Variants in SEZ6L observed in about 807,000 individuals in gnomAD.
The protein encoded by SEZ6L is seizure related 6 homolog like.
In SEZ6L, 37 loss-of-function variants were observed where a neutral mutation model predicts 106.2. The ratio of observed to expected loss-of-function variants is 0.35; its 90% confidence interval spans 0.27 to 0.46. SEZ6L has a LOEUF of 0.46. SEZ6L is among the 20% of genes least tolerant of loss of function. The pLI is 1.00. For synonymous variants in SEZ6L, 541 were observed against 570.4 expected, an observed-to-expected ratio of 0.95 and a Z score of 0.73; for missense variants, 1,172 against 1,332.8, an observed-to-expected ratio of 0.88 and a Z score of 1.88.
At chr22:26,248,423 T>C (rs2079441993) in intron 1 of SEZ6L, among the ~76,000 whole-genome samples, 1 of 152,178 alleles carries the variant, frequency 6.6e-6, no homozygotes, top group South Asian at 2.1e-4. Flanking sequence ...GGCACAATCA[T>C]ACCTCACTGT....
chr22:26,197,437 T>C (rs115823501), intron 1 of SEZ6L, among the ~76,000 whole-genome samples: 2 of 152,216 alleles, frequency 1.3e-5, no homozygotes, highest in African/African-American at 4.8e-5. Flanking sequence ...CTGGTCTTAC[T>C]GGGTGAGTAA....
At chr22:26,279,731 C>A (rs908769183) in intron 1 of SEZ6L, among the ~76,000 whole-genome samples, 1 of 152,154 alleles carries the variant, frequency 6.6e-6, no homozygotes, top group African/African-American at 2.4e-5. Context: ...CTTCTGGAAA[C>A]GTCATCAGCT....
chr22:26,329,959 T>C (rs2082429700), intron 9 of SEZ6L, among the ~76,000 whole-genome samples: 1 of 152,286 alleles, frequency 6.6e-6, no homozygotes, highest in African/African-American at 2.4e-5. Flanking sequence ...ATGATTTATT[T>C]CATCACTATC....
chr22:26,368,632 T>C (rs901544381), intron 13 of SEZ6L, among the ~76,000 whole-genome samples: 2 of 152,044 alleles, frequency 1.3e-5, no homozygotes, highest in Non-Finnish European at 2.9e-5. Context: ...ATGAAGAACA[T>C]GTTTTGGAAC....
Position 26,294,309 on chromosome 22 carries a change from T to C in SEZ6L, c.853T>C (p.Phe285Leu), listed in dbSNP as rs756359409. 1.2e-6 allele frequency: 2 copies of C among 1,614,012 alleles called. No individual in the cohort carries two copies. Among genetic ancestry groups the C allele is most frequent in the African/African-American group, 1.3e-5 (1 of 74,910 alleles). Residue 285 changes from phenylalanine to leucine, a missense_variant, in exon 3 of 17, where the codon TTC (phenylalanine) becomes CTC (leucine). Around this residue, in one of 4 missense-constraint regions of SEZ6L, gnomAD observed 494 missense variants for 445.8 expected, o/e 1.11. Coordinates refer to ENST00000248933, the MANE Select transcript of SEZ6L (RefSeq NM_021115.5). ...CCTTCCAGCTCTCTGCAGTGTGAGC[T>C]TCTCCAATCCTGAGGGGTACATTGA... ...EQAPALCSVS[F>L]SNPEGYIDSS...
intron 11 of SEZ6L, among the ~76,000 whole-genome samples, chr22:26,348,519 AAGGAAG>A (rs2083085804): frequency 3.0e-5 from 1 of 33,374 alleles, no homozygotes; most frequent in Non-Finnish European, 6.2e-5. Context: ...AGAGAGAAGG[AAGGAAG>A]GAAGGAAGGA....
chr22:26,327,567 C>T (rs2082356661), intron 9 of SEZ6L, among the ~76,000 whole-genome samples: 1 of 148,784 alleles, frequency 6.7e-6, no homozygotes, highest in Non-Finnish European at 1.5e-5. Context: ...ACACACCCCA[C>T]ACACACACCA....
intron 13 of SEZ6L, among the ~76,000 whole-genome samples, chr22:26,367,170 G>T (rs1031015669): frequency 2.0e-5 from 3 of 152,140 alleles, no homozygotes; most frequent in African/African-American, 4.8e-5. Flanking sequence ...GCTGGGACGA[G>T]TCTGAGGCAA....
Position 26,382,738 on chromosome 22 carries a change from A to G in SEZ6L, c.*2443A>G, listed in dbSNP as rs201703792. On this transcript the variant is annotated 3_prime_UTR_variant, in exon 17 of 17. Coordinates refer to ENST00000248933, the MANE Select transcript of SEZ6L (RefSeq NM_021115.5). ...ATGTGTATTTGTAATACGTAAAGGTAAAAAAAAATAGTGCCAAAAATGTGC... is the reference window on the plus strand; with the variant it reads ...ATGTGTATTTGTAATACGTAAAGGTGAAAAAAAATAGTGCCAAAAATGTGC... The G allele has an allele frequency of 8.3e-6, 1 of 120,750 alleles. No individual in the cohort carries two copies. The allele number at this position is 120,750 out of a possible 1,614,324, so 7.5% of individuals were successfully genotyped here.
chr22:26,339,536 T>C (rs1012345768), intron 9 of SEZ6L, among the ~76,000 whole-genome samples: 7 of 152,206 alleles, frequency 4.6e-5, no homozygotes, highest in East Asian at 1.9e-4. Flanking sequence ...CTTTCTTGCA[T>C]TGGAGTCTTT....
intron 9 of SEZ6L, among the ~76,000 whole-genome samples, chr22:26,332,150 T>TC (rs1491012129): frequency 3.3e-5 from 2 of 60,634 alleles, no homozygotes; most frequent in African/African-American, 8.8e-5. Context: ...TTTCAATGTT[T>TC]TTTTTTTTTT....
In SEZ6L at chr22:26,350,521, C is replaced by T. The variant is rs531699386; in HGVS notation, c.2408-531C>T. Among the ~76,000 whole-genome samples the T allele has an allele frequency of 1.3e-4, 20 of 152,126 alleles. No individual in the cohort carries two copies. In the South Asian group the frequency reaches 2.5e-3, roughly 19 times the overall value. On this transcript the variant is annotated intron_variant, in intron 11 of 16. Coordinates refer to ENST00000248933, the MANE Select transcript of SEZ6L (RefSeq NM_021115.5). Reference sequence around the variant, plus strand: ...TCCTAGGATTACAGGCATGAGCTACCGTGCCCCACCTCTTTGGGCAAATTC... The same window carrying T: ...TCCTAGGATTACAGGCATGAGCTACTGTGCCCCACCTCTTTGGGCAAATTC...
intron 1 of SEZ6L, among the ~76,000 whole-genome samples, chr22:26,251,793 C>T (rs1479288685): frequency 1.3e-5 from 2 of 152,196 alleles, no homozygotes; most frequent in Admixed American, 1.3e-4. Flanking sequence ...CCAGGATGGA[C>T]ATCTATATCC....
In SEZ6L at chr22:26,292,601, C is replaced by T. The variant is rs1283199258; in HGVS notation, c.290C>T (p.Pro97Leu). Residue 97 changes from proline (P) to leucine (L), a missense_variant, in exon 2 of 17, where the codon CCA becomes CTA. Around this residue, in one of 4 missense-constraint regions of SEZ6L, gnomAD observed 494 missense variants for 445.8 expected, o/e 1.11. Coordinates refer to ENST00000248933, the MANE Select transcript of SEZ6L (RefSeq NM_021115.5). ...GCACCCTCTGCACATCACGACATCC[C>T]AGCCCTGTCACCGCTGCTTCCAGAG... ...GTAPSAHHDI[P>L]ALSPLLPEEA... The T allele has an allele frequency of 6.2e-7, 1 of 1,613,512 alleles. No individual in the cohort carries two copies.
At chr22:26,237,833 A>T (rs1458195067) in intron 1 of SEZ6L, among the ~76,000 whole-genome samples, 1 of 152,136 alleles carries the variant, frequency 6.6e-6, no homozygotes, top group Non-Finnish European at 1.5e-5. Flanking sequence ...TAATCAGCAG[A>T]GCACAAGTGT....
chr22:26,305,086 AAAAGATAC>A (rs544964099), intron 5 of SEZ6L, among the ~76,000 whole-genome samples: 3 of 152,262 alleles, frequency 2.0e-5, no homozygotes, highest in Non-Finnish European at 4.4e-5. Context: ...CTAAACATAG[AAAAGATAC>A]AATAAAAATA....
At chr22:26,322,167 G>A (rs2082173079) in intron 9 of SEZ6L, among the ~76,000 whole-genome samples, 1 of 152,194 alleles carries the variant, frequency 6.6e-6, no homozygotes, top group South Asian at 2.1e-4. Flanking sequence ...CACATAGTTG[G>A]TGCTTCATAA....
intron 9 of SEZ6L, among the ~76,000 whole-genome samples, chr22:26,318,205 T>C (rs769141875): frequency 2.6e-5 from 4 of 152,046 alleles, no homozygotes; most frequent in East Asian, 1.9e-4. Flanking sequence ...TCATGAGTAG[T>C]TGGGATTGCA....
intron 1 of SEZ6L, among the ~76,000 whole-genome samples, chr22:26,216,603 C>T (rs1382584520): frequency 6.6e-6 from 1 of 152,050 alleles, no homozygotes; most frequent in Admixed American, 6.5e-5. Flanking sequence ...TTGCAGTGAG[C>T]CGAGATTGCG....
Sources: allele counts gnomAD v4.1 joint callset (sites outside exome capture counted in the v4.1 genomes callset), GRCh38; gene constraint gnomAD v4.1.1; regional missense constraint gnomAD v4.1.1; transcripts MANE v1.5; gene names NCBI Gene and HGNC (gene_info 2026-07-23, HGNC 2026-07-21).